The following KIF5B variants were observed in gnomAD, a reference collection of about 807,000 sequenced individuals.
KIF5B encodes the protein kinesin family member 5B.
In KIF5B, 49 loss-of-function variants were observed where a neutral mutation model predicts 132.8. That is an observed-to-expected ratio of 0.37 (90% confidence interval 0.29 to 0.47). KIF5B has a LOEUF of 0.47. Among genes scored for constraint, KIF5B ranks in the 20% least tolerant of loss-of-function variants. KIF5B has a pLI of 1.00. For missense variants in KIF5B, 780 were observed against 1,144.0 expected, an observed-to-expected ratio of 0.68 and a Z score of 4.59; for synonymous variants, 355 against 369.4, an observed-to-expected ratio of 0.96 and a Z score of 0.45.
At chr10:32,035,244 G>T (rs1841448632) in intron 10 of KIF5B, among the ~76,000 whole-genome samples, 1 of 152,156 alleles carries the variant, frequency 6.6e-6, no homozygotes, top group South Asian at 2.1e-4. Context: ...GCCAGGCTTT[G>T]ACCTCATTAT....
At chr10:32,044,502 T>A (rs2132611760) in intron 2 of KIF5B, among the ~76,000 whole-genome samples, 1 of 152,218 alleles carries the variant, frequency 6.6e-6, no homozygotes, top group Non-Finnish European at 1.5e-5. Context: ...AGGAACCCTG[T>A]CTCTACTAGT....
intron 16 of KIF5B, among the ~76,000 whole-genome samples, chr10:32,022,508 C>A (rs973912227): frequency 6.6e-6 from 1 of 152,120 alleles, no homozygotes; most frequent in African/African-American, 2.4e-5. Context: ...CTAACGTTAC[C>A]ATCTTCCCTC....
At chr10:32,020,026 T>C (rs934630774) in intron 19 of KIF5B, 67 bp from the exon 20 acceptor site, 104 of 1,050,484 alleles carry the variant, frequency 9.9e-5, no homozygotes, top group Non-Finnish European at 1.6e-5. Context: ...ATCATTAAAA[T>C]TTCCAAACTT....
intron 2 of KIF5B, among the ~76,000 whole-genome samples, chr10:32,043,303 C>T (rs920208533): frequency 2.0e-5 from 3 of 152,022 alleles, no homozygotes; most frequent in African/African-American, 7.2e-5. Context: ...GCGCCCAGCC[C>T]GCACTGTACT....
intron 19 of KIF5B, among the ~76,000 whole-genome samples, chr10:32,020,519 C>CA (rs1841245054): frequency 6.6e-6 from 1 of 152,166 alleles, no homozygotes; most frequent in Non-Finnish European, 1.5e-5. Flanking sequence ...TTCCAATACT[C>CA]AAGCAATCCT....
chr10:32,021,852 G>T (rs1376714730), intron 17 of KIF5B, among the ~76,000 whole-genome samples: 1 of 152,004 alleles, frequency 6.6e-6, no homozygotes, highest in Non-Finnish European at 1.5e-5. Flanking sequence ...TGTGCCTGTG[G>T]TCCTAGCTAC....
At chr10:32,030,941 T>A in intron 14 of KIF5B, 132 bp downstream of exon 14, 1 of 660,066 alleles carries the variant, frequency 1.5e-6, no homozygotes, top group South Asian at 2.0e-5. Context: ...AGAAATGAAG[T>A]TGAAACCCGA....
chr10:32,038,306 TAACAGC>T (rs1841487401), intron 5 of KIF5B, 88 bp from the exon 6 acceptor site: 1 of 869,986 alleles, frequency 1.1e-6, no homozygotes. Flanking sequence ...CTGAGCAGCC[TAACAGC>T]AATAGTTGAA....
Position 32,015,583 on chromosome 10 carries a change from A to T in KIF5B, c.2838T>A (p.Phe946Leu), listed in dbSNP as rs769044593. The stretch of plus-strand genomic sequence containing the variant: ...CTGCCACTGGCTGGCTGTTCTGAAC[A>T]AATGCACCTCCTCCACGAATTGCAC... ...HPSAIRGGGA[F>L]VQNSQPVAVR... The change falls in exon 25 of 26, where the codon TTT (phenylalanine) becomes TTA (leucine). Residue 946 changes from phenylalanine (F) to leucine (L), a missense_variant. By Grantham distance (22) the Phe-to-Leu change is conservative. Coordinates refer to ENST00000302418, the MANE Select transcript of KIF5B (RefSeq NM_004521.3). The T allele has an allele frequency of 6.2e-7, 1 of 1,613,944 alleles. No individual in the cohort carries two copies. The highest frequency in any genetic ancestry group is 2.2e-5 in the East Asian group (1 of 44,860).
intron 15 of KIF5B, among the ~76,000 whole-genome samples, chr10:32,026,789 G>A (rs192763144): frequency 1.3e-5 from 2 of 152,170 alleles, no homozygotes; most frequent in Admixed American, 1.3e-4. Context: ...GGTGTTCTGC[G>A]ATATGAAATA....
chr10:32,016,585 GTGCAATCTTGGCTCAT>G (rs1199145376), intron 24 of KIF5B, among the ~76,000 whole-genome samples: 1 of 152,130 alleles, frequency 6.6e-6, no homozygotes, highest in Non-Finnish European at 1.5e-5. Flanking sequence ...GAGTGCAATG[GTGCAATCTTGGCTCAT>G]TGCAATCTCG....
chr10:32,049,859 T>C (rs1343119684), intron 1 of KIF5B, among the ~76,000 whole-genome samples: 1 of 152,118 alleles, frequency 6.6e-6, no homozygotes, highest in Admixed American at 6.6e-5. Flanking sequence ...AAAGGTCAGA[T>C]TGGAATGGAT....
rs143972930 is a variant in KIF5B, at chr10:32,010,153, C to T, written c.*1384G>A. On this transcript the variant is annotated 3_prime_UTR_variant, in exon 26 of 26. Coordinates refer to ENST00000302418, the MANE Select transcript of KIF5B (RefSeq NM_004521.3). ...AGAACTTTCCAAGTTTCTCTGCTAA[C>T]CTTAAATCCCCATTCTCTGTGAATT... 1.3e-5 allele frequency: 2 copies of T among 152,266 alleles called. No homozygotes were observed. Among genetic ancestry groups the T allele is most frequent in the Non-Finnish European group, 2.9e-5 (2 of 67,980 alleles). 9.4% of individuals were successfully genotyped at this position (152,266 alleles called of 1,614,324 possible). A position where few individuals can be genotyped will look rare whatever the true frequency, so the allele number is the denominator to read the frequency against.
chr10:32,039,938 T>C (rs1841510588), intron 3 of KIF5B, among the ~76,000 whole-genome samples: 1 of 152,168 alleles, frequency 6.6e-6, no homozygotes, highest in Non-Finnish European at 1.5e-5. Flanking sequence ...GAAGCAAAGC[T>C]ATAGTGGGTC....
intron 23 of KIF5B, 102 bp from the exon 24 acceptor site, chr10:32,017,461 T>C (rs780425592): frequency 9.6e-5 from 83 of 861,166 alleles, no homozygotes; most frequent in Non-Finnish European, 2.2e-5. Context: ...AACTGCATTT[T>C]ATATTGTTTC....
intron 1 of KIF5B, among the ~76,000 whole-genome samples, chr10:32,053,224 C>T (rs1299844772): frequency 1.3e-5 from 2 of 152,132 alleles, no homozygotes; most frequent in Non-Finnish European, 2.9e-5. Context: ...TCCAATTCCG[C>T]TCCTCCTGGC....
intron 2 of KIF5B, among the ~76,000 whole-genome samples, chr10:32,040,731 C>A (rs1841524068): frequency 6.6e-6 from 1 of 151,964 alleles, no homozygotes; most frequent in Non-Finnish European, 1.5e-5. Flanking sequence ...CGGTAGCTCA[C>A]TCCTGTAATC....
chr10:32,013,538 C>G (rs1457607151), intron 25 of KIF5B, among the ~76,000 whole-genome samples: 1 of 152,146 alleles, frequency 6.6e-6, no homozygotes, highest in Non-Finnish European at 1.5e-5. Context: ...AGGGATAAAA[C>G]TAAACGCAAA....
chr10:32,026,965 T>C (rs1289469189), intron 15 of KIF5B, among the ~76,000 whole-genome samples: 2 of 152,238 alleles, frequency 1.3e-5, no homozygotes, highest in African/African-American at 2.4e-5. Context: ...ATGAGAATCC[T>C]TGCCTCCATC....
Sources: gnomAD v4.1 joint callset for allele counts (sites outside exome capture counted in the v4.1 genomes callset) on GRCh38, gnomAD v4.1.1 for gene constraint, MANE v1.5 for transcripts, NCBI Gene and HGNC (gene_info 2026-07-23, HGNC 2026-07-21) for gene names.